PRKG1: variants seen among roughly 807,000 people sequenced by gnomAD.
The protein encoded by PRKG1 is protein kinase cGMP-dependent 1.
In PRKG1, 35 loss-of-function variants were observed where a neutral mutation model predicts 88.1. The ratio of observed to expected loss-of-function variants is 0.40; its 90% CI spans 0.30 to 0.53. PRKG1 has a LOEUF of 0.53. Among genes scored for constraint, PRKG1 ranks in the 20% least tolerant of loss-of-function variants. The pLI, the probability that PRKG1 is intolerant of heterozygous loss-of-function variation, is 0.59. For synonymous variants in PRKG1, 303 were observed against 292.5 expected (o/e 1.04, Z -0.37); for missense variants, 540 against 839.8 (o/e 0.64, Z 4.41).
intron 3 of PRKG1, among the ~76,000 whole-genome samples, chr10:51,744,421 T>G (rs1237090591): frequency 6.6e-6 from 1 of 152,138 alleles, no homozygotes; most frequent in Non-Finnish European, 1.5e-5. Flanking sequence ...AAACCTTGTT[T>G]CAAGTTAGAG....
chr10:51,842,327 C>G (rs1840298193), intron 4 of PRKG1, among the ~76,000 whole-genome samples: 1 of 152,210 alleles, frequency 6.6e-6, no homozygotes. Context: ...GTAATACTCT[C>G]AGCTGATGAC....
At position 51,124,783 on chromosome 10, in the gene PRKG1, C is replaced by T. The variant is rs143954039; in HGVS notation, c.312-28381C>T. 2.0e-3 allele frequency among the ~76,000 whole-genome samples: 311 copies of T among 152,268 alleles called. 2 individuals are homozygous for T. The highest frequency in any genetic ancestry group is 7.2e-3 in the African/African-American group (301 of 41,560). On this transcript the variant is annotated intron_variant, in intron 1 of 17. Transcript: ENST00000373980. ...AACTCCAAACGGGCTGAATGAAAGA[C>T]TTGAGTTAATTTGCTCTTTAGTTAC... is the stretch of plus-strand genomic sequence containing the variant.
intron 5 of PRKG1, among the ~76,000 whole-genome samples, chr10:51,938,799 G>A (rs909861440): frequency 6.6e-6 from 1 of 152,048 alleles, no homozygotes; most frequent in Non-Finnish European, 1.5e-5. Context: ...TGAGCAAACT[G>A]TTTAGTCTTC....
At chr10:52,128,378 G>A (rs1837160072) in intron 7 of PRKG1, 1 of 985,250 alleles carries the variant, frequency 1.0e-6, no homozygotes, top group Admixed American at 6.2e-5. Context: ...AGGTATCAAT[G>A]AACGCTAGAG....
intron 2 of PRKG1, among the ~76,000 whole-genome samples, chr10:51,387,318 A>G (rs1588903806): frequency 6.7e-6 from 1 of 149,048 alleles, no homozygotes; most frequent in East Asian, 1.9e-4. Context: ...ATATACATAT[A>G]AATAAAAATA....
At chr10:51,803,912 T>A (rs1182108113) in intron 3 of PRKG1, among the ~76,000 whole-genome samples, 1 of 152,184 alleles carries the variant, frequency 6.6e-6, no homozygotes, top group African/African-American at 2.4e-5. Flanking sequence ...AGTCATGTGC[T>A]TAATAGATCA....
chr10:51,990,287 T>C (rs919487289), intron 5 of PRKG1, among the ~76,000 whole-genome samples: 1 of 152,172 alleles, frequency 6.6e-6, no homozygotes, highest in Non-Finnish European at 1.5e-5. Context: ...TATGTTCTTT[T>C]TGCCCAAGAT....
At chr10:51,789,648 C>T (rs1473309869) in intron 3 of PRKG1, among the ~76,000 whole-genome samples, 1 of 152,040 alleles carries the variant, frequency 6.6e-6, no homozygotes, top group East Asian at 1.9e-4. Flanking sequence ...CCTAAGAGCA[C>T]CAGACAGGAA....
At chr10:51,710,436 G>A (rs1841715820) in intron 3 of PRKG1, among the ~76,000 whole-genome samples, 1 of 152,066 alleles carries the variant, frequency 6.6e-6, no homozygotes, top group South Asian at 2.1e-4. Flanking sequence ...CTGAAGATAG[G>A]GATTATGATT....
chr10:52,040,487 A>C (rs910039195), intron 5 of PRKG1, among the ~76,000 whole-genome samples: 17 of 152,210 alleles, frequency 1.1e-4, no homozygotes, highest in African/African-American at 3.6e-4. Flanking sequence ...AAACAGTTTT[A>C]TTCTGTTGTC....
At chr10:51,420,444 G>C (rs1170215239) in intron 2 of PRKG1, among the ~76,000 whole-genome samples, 1 of 152,086 alleles carries the variant, frequency 6.6e-6, no homozygotes. Context: ...ATCTTAAATT[G>C]TAAGGCTTAA....
intron 2 of PRKG1, among the ~76,000 whole-genome samples, chr10:51,413,114 C>T (rs964283598): frequency 3.3e-5 from 5 of 152,124 alleles, no homozygotes; most frequent in Non-Finnish European, 7.3e-5. Context: ...TAAGATTGTT[C>T]CTAATTCAAA....
At chr10:52,078,365 T>C (rs1205630315) in intron 7 of PRKG1, among the ~76,000 whole-genome samples, 2 of 152,200 alleles carry the variant, frequency 1.3e-5, no homozygotes, top group Non-Finnish European at 2.9e-5. Flanking sequence ...GAAAGATAAA[T>C]GTATGGTTTT....
chr10:52,059,388 A>G (rs1271002895), intron 6 of PRKG1, among the ~76,000 whole-genome samples: 1 of 151,768 alleles, frequency 6.6e-6, no homozygotes, highest in South Asian at 2.1e-4. Context: ...ATCTCTATTC[A>G]TAATTGCCAA....
At chr10:51,606,550 G>A (rs1169419447) in intron 3 of PRKG1, among the ~76,000 whole-genome samples, 2 of 152,008 alleles carry the variant, frequency 1.3e-5, no homozygotes, top group African/African-American at 4.8e-5. Flanking sequence ...GCATCTTTTC[G>A]TTCCTCACCA....
intron 3 of PRKG1, among the ~76,000 whole-genome samples, chr10:51,622,582 A>G (rs79424982): frequency 0.054 from 8,160 of 152,282 alleles, 370 homozygotes; most frequent in Admixed American, 0.11. Flanking sequence ...GAAAACGGTC[A>G]TGGGAATGAG....
intron 3 of PRKG1, among the ~76,000 whole-genome samples, chr10:51,629,594 G>A (rs1418293781): frequency 1.3e-5 from 2 of 152,062 alleles, no homozygotes; most frequent in Non-Finnish European, 2.9e-5. Context: ...AGGCTTTTCA[G>A]TGCTTTTGTG....
chr10:52,248,666 T>C (rs891829690), intron 9 of PRKG1, among the ~76,000 whole-genome samples: 3 of 152,126 alleles, frequency 2.0e-5, no homozygotes, highest in Non-Finnish European at 4.4e-5. Context: ...GGGAAGTATA[T>C]ATTTAAGTGG....
intron 3 of PRKG1, among the ~76,000 whole-genome samples, chr10:51,520,647 A>C (rs972803800): frequency 1.3e-5 from 2 of 152,168 alleles, no homozygotes; most frequent in African/African-American, 2.4e-5. Context: ...AGCTAGAGGA[A>C]ACCTGGTATC....
Sources: allele counts gnomAD v4.1 joint callset (sites outside exome capture counted in the v4.1 genomes callset), GRCh38; gene constraint gnomAD v4.1.1; transcripts MANE v1.5; gene names NCBI Gene and HGNC (gene_info 2026-07-23, HGNC 2026-07-21).